CTNNBIP1: variants seen among roughly 807,000 people sequenced by gnomAD.
CTNNBIP1 encodes beta-catenin-interacting protein 1.
Under a neutral mutation model 11.8 loss-of-function variants are expected in CTNNBIP1, and 7 were observed. That is an observed-to-expected ratio of 0.60 (90% CI 0.34 to 1.12). The LOEUF is 1.12. CTNNBIP1 is among the 50% of genes most tolerant of loss of function. The pLI is 0.03. For synonymous variants in CTNNBIP1, 58 were observed against 43.9 expected (o/e 1.32, Z -1.26); for missense variants, 101 against 113.4 (o/e 0.89, Z 0.50).
rs1638353905 is a variant in CTNNBIP1 at position 9,850,374 on chromosome 1, C to T, written c.*344G>A. On this transcript the variant is annotated 3_prime_UTR_variant, in exon 6 of 6. Transcript: ENST00000377263. ...ATGACCTAACTAAAGCACCAGAGCT[C>T]GGAGAGCTTCCAGGGAAGCCAGATA... is the stretch of plus-strand genomic sequence containing the variant. 9.0e-6 allele frequency: 2 copies of T among 222,008 alleles called. No homozygotes were observed. The highest frequency in any genetic ancestry group is 1.1e-4 in the East Asian group (1 of 9,466). 13.8% of individuals were successfully genotyped at this position (222,008 alleles called of 1,614,324 possible). A position where few individuals can be genotyped will look rare whatever the true frequency, so the allele number is the denominator to read the frequency against.
rs558347549 is a variant in CTNNBIP1, at chr1:9,896,622, CAGG to C, written c.-143-12887_-143-12885del. Reference sequence around the variant, plus strand: ...GGCCGAGGTGGGCAGATCACAAGGTCAGGAGTTCAAGACCAGCCTGACTAACAT... The same window carrying C: ...GGCCGAGGTGGGCAGATCACAAGGTCAGTTCAAGACCAGCCTGACTAACAT... On this transcript the variant is annotated intron_variant, in intron 1 of 5. Coordinates refer to ENST00000377263, the MANE Select transcript of CTNNBIP1 (RefSeq NM_020248.3). Among the ~76,000 whole-genome samples, 459 of 152,148 alleles carry C rather than the reference CAGG, an allele frequency of 3.0e-3. 3 individuals are homozygous for C. The highest frequency in any genetic ancestry group is 3.4e-3 in the Middle Eastern group (1 of 294).
chr1:9,877,352 CT>C (rs1638990922), intron 3 of CTNNBIP1, among the ~76,000 whole-genome samples: 1 of 152,166 alleles, frequency 6.6e-6, no homozygotes, highest in Admixed American at 6.5e-5. Flanking sequence ...ACCTGCACTC[CT>C]TTTTATTTTT....
intron 1 of CTNNBIP1, among the ~76,000 whole-genome samples, chr1:9,885,952 A>G (rs1639180332): frequency 6.6e-6 from 1 of 151,822 alleles, no homozygotes; most frequent in Non-Finnish European, 1.5e-5. Flanking sequence ...AAAAAAAAAA[A>G]GCACTTGGCC....
At chr1:9,893,160 A>G (rs928960621) in intron 1 of CTNNBIP1, 2 of 152,164 alleles carry the variant, frequency 1.3e-5, no homozygotes, top group Admixed American at 6.6e-5. Flanking sequence ...CACCTGATAC[A>G]ATAGGAATCC....
rs76891580 is a variant in CTNNBIP1 at position 9,851,538 on chromosome 1, T to C, written c.188-762A>G. Among the ~76,000 whole-genome samples the C allele has an allele frequency of 6.6e-6, 1 of 151,954 alleles. No homozygotes were observed. Among genetic ancestry groups the C allele is most frequent in the African/African-American group, 2.4e-5 (1 of 41,382 alleles). The stretch of plus-strand genomic sequence containing the variant: ...GGTGTGCATCACCACGCCCGGCTAA[T>C]TTTTTTGTATTTTTAGTAGAGATGA... On this transcript the variant is annotated intron_variant, in intron 5 of 5. Coordinates refer to ENST00000377263, the MANE Select transcript of CTNNBIP1 (RefSeq NM_020248.3). The surrounding 1 kb of genome is among the most constrained non-coding windows in gnomAD (Gnocchi z 4.8).
intron 1 of CTNNBIP1, among the ~76,000 whole-genome samples, chr1:9,895,154 G>A (rs1394208783): frequency 6.6e-6 from 1 of 151,902 alleles, no homozygotes; most frequent in African/African-American, 2.4e-5. Flanking sequence ...TGATACGCCC[G>A]CCTCGGCCTC....
intron 1 of CTNNBIP1, among the ~76,000 whole-genome samples, chr1:9,908,633 A>T (rs957643566): frequency 3.3e-5 from 5 of 152,210 alleles, no homozygotes; most frequent in African/African-American, 1.2e-4. Context: ...AAGTGCTGGG[A>T]CTACAAGCGT....
chr1:9,884,900 C>G (rs1639154368), intron 1 of CTNNBIP1, among the ~76,000 whole-genome samples: 1 of 152,034 alleles, frequency 6.6e-6, no homozygotes, highest in South Asian at 2.1e-4. Flanking sequence ...ACAGGGGCGG[C>G]TGCAGGCCAG....
chr1:9,878,425 G>A (rs1313727891), intron 2 of CTNNBIP1, among the ~76,000 whole-genome samples: 1 of 152,184 alleles, frequency 6.6e-6, no homozygotes, highest in African/African-American at 2.4e-5. Context: ...GGCACAGGTA[G>A]CTCAGCACCC....
intron 5 of CTNNBIP1, among the ~76,000 whole-genome samples, chr1:9,860,280 G>A (rs913293121): frequency 1.3e-5 from 2 of 152,020 alleles, no homozygotes; most frequent in Non-Finnish European, 1.5e-5. Flanking sequence ...GGACACTCCC[G>A]CATCACCCAA....
At chr1:9,880,017 T>C (rs1194089349) in intron 2 of CTNNBIP1, among the ~76,000 whole-genome samples, 1 of 152,218 alleles carries the variant, frequency 6.6e-6, no homozygotes, top group African/African-American at 2.4e-5. Context: ...ACGTGCAGGT[T>C]ACACAGGTAT....
intron 5 of CTNNBIP1, among the ~76,000 whole-genome samples, chr1:9,862,072 T>A (rs1362796146): frequency 7.1e-6 from 1 of 140,564 alleles, no homozygotes; most frequent in Admixed American, 7.0e-5. Context: ...GACACACACA[T>A]GACCTTTGTG....
intron 5 of CTNNBIP1, among the ~76,000 whole-genome samples, chr1:9,853,657 GCT>G (rs1638438594): frequency 6.6e-6 from 1 of 152,200 alleles, no homozygotes; most frequent in Non-Finnish European, 1.5e-5. Flanking sequence ...TACAGATGAA[GCT>G]CTGTCTCCCC....
intron 3 of CTNNBIP1, among the ~76,000 whole-genome samples, chr1:9,875,624 C>T (rs1375786529): frequency 6.6e-6 from 1 of 152,224 alleles, no homozygotes; most frequent in Non-Finnish European, 1.5e-5. Flanking sequence ...CACTTCCCTG[C>T]AAGAGACAGT....
chr1:9,889,092 C>G (rs1160666294), intron 1 of CTNNBIP1, among the ~76,000 whole-genome samples: 1 of 152,180 alleles, frequency 6.6e-6, no homozygotes, highest in African/African-American at 2.4e-5. Flanking sequence ...AGGCCACCAG[C>G]AGGCATGCCA....
chr1:9,892,282 C>T (rs1180896087), intron 1 of CTNNBIP1, among the ~76,000 whole-genome samples: 5 of 152,122 alleles, frequency 3.3e-5, no homozygotes, highest in South Asian at 2.1e-4. Context: ...ATTAGCCAGG[C>T]GTGGTGGTGG....
chr1:9,871,936 G>A lies in CTNNBIP1; in HGVS notation c.96+33C>T. On this transcript the variant is annotated intron_variant, in intron 4 of 5. Coordinates refer to ENST00000377263, the MANE Select transcript of CTNNBIP1 (RefSeq NM_020248.3). The surrounding 1 kb of genome is among the most constrained non-coding windows in gnomAD (Gnocchi z 5.2). ...CCCCTCCCTGGGAGACCCTCCCTGG[G>A]GGCCCGCTGCCTGACACCCCACAGG... The A allele has an allele frequency of 6.3e-7, 1 of 1,589,832 alleles. No individual in the cohort carries two copies. The highest frequency in any genetic ancestry group is 8.6e-7 in the Non-Finnish European group (1 of 1,158,082).
chr1:9,889,168 G>A (rs1246258962), intron 1 of CTNNBIP1, among the ~76,000 whole-genome samples: 1 of 152,192 alleles, frequency 6.6e-6, no homozygotes, highest in Non-Finnish European at 1.5e-5. Context: ...GGACCTGCAC[G>A]CTGGACAGGA....
At chr1:9,875,799 C>T (rs1638955320) in intron 3 of CTNNBIP1, among the ~76,000 whole-genome samples, 2 of 152,226 alleles carry the variant, frequency 1.3e-5, no homozygotes, top group Non-Finnish European at 2.9e-5. Context: ...CATGTTCCCA[C>T]CCTTCCCATT....
Sources: allele counts gnomAD v4.1 joint callset (sites outside exome capture counted in the v4.1 genomes callset), GRCh38; gene constraint gnomAD v4.1.1; non-coding constraint Gnocchi (gnomAD v3.1); transcripts MANE v1.5; gene names NCBI Gene and HGNC (gene_info 2026-07-23, HGNC 2026-07-21).